IL22RA1: variants seen among roughly 807,000 people sequenced by gnomAD.
IL22RA1 encodes interleukin 22 receptor subunit alpha 1.
IL22RA1 carries 25 observed loss-of-function variants against 32.8 expected under a neutral mutation model. The observed-to-expected ratio is 0.76, with a 90% CI of 0.55 to 1.06. The LOEUF (loss-of-function observed/expected upper bound fraction) is 1.06, where lower values mean the gene tolerates loss of function less well. Among genes scored for constraint, IL22RA1 ranks in the 50% least tolerant of loss-of-function variants. The pLI, the probability that IL22RA1 is intolerant of heterozygous loss-of-function variation, is 0.00. For synonymous variants in IL22RA1, 305 were observed against 305.0 expected, an observed-to-expected ratio of 1.00 and a Z score of 0.00; for missense variants, 709 against 727.4, an observed-to-expected ratio of 0.97 and a Z score of 0.29.
chr1:24,137,066 C>A, intron 3 of IL22RA1, 65 bp downstream of exon 3: 1 of 1,503,330 alleles, frequency 6.7e-7, no homozygotes, highest in South Asian at 1.2e-5. Context: ...AAGAGGCCAT[C>A]CCACCCCGCA....
At chr1:24,139,644 G>A (rs193012292) in intron 1 of IL22RA1, among the ~76,000 whole-genome samples, 257 of 152,160 alleles carry the variant, frequency 1.7e-3, no homozygotes, top group Non-Finnish European at 2.9e-3. Flanking sequence ...AGCAATCCTC[G>A]CACCTCAGCC....
At chr1:24,124,451 C>G (rs1391844798) in intron 5 of IL22RA1, among the ~76,000 whole-genome samples, 1 of 152,192 alleles carries the variant, frequency 6.6e-6, no homozygotes, top group Non-Finnish European at 1.5e-5. Flanking sequence ...CAGTTCCAGG[C>G]AGGACACACT....
intron 3 of IL22RA1, 38 bp from the exon 4 acceptor site, chr1:24,134,424 C>A: frequency 6.9e-7 from 1 of 1,441,326 alleles, no homozygotes; most frequent in Non-Finnish European, 9.2e-7. Flanking sequence ...AAGAAAAAGT[C>A]AGAATCGGTG....
intron 5 of IL22RA1, among the ~76,000 whole-genome samples, chr1:24,123,835 C>T (rs1426776276): frequency 1.3e-5 from 2 of 152,186 alleles, no homozygotes; most frequent in Admixed American, 6.5e-5. Flanking sequence ...AGGGCCCTCA[C>T]GCACATGTGT....
chr1:24,140,511 C>T (rs1473057635), intron 1 of IL22RA1, among the ~76,000 whole-genome samples: 1 of 152,150 alleles, frequency 6.6e-6, no homozygotes, highest in Non-Finnish European at 1.5e-5. Flanking sequence ...AGAAGAGAAG[C>T]TGGCCATTGA....
At position 24,143,119 on chromosome 1, in the gene IL22RA1, T is replaced by C; in HGVS notation, c.-37A>G. On this transcript the variant is annotated 5_prime_UTR_variant, in exon 1 of 7. Coordinates refer to ENST00000270800, the MANE Select transcript of IL22RA1 (RefSeq NM_021258.4). ...CAGAGCCCTCCCTTGGCCTCTACTC[T>C]GCCGTGCACAGAGAGAGGGCTGGGA... 1 of 1,431,912 alleles carries C rather than the reference T, an allele frequency of 7.0e-7. No homozygotes were observed. The highest frequency in any genetic ancestry group is 1.1e-5 in the South Asian group (1 of 86,998). 88.7% of individuals were successfully genotyped at this position (1,431,912 alleles called of 1,614,324 possible).
intron 2 of IL22RA1, 152 bp downstream of exon 2, chr1:24,138,430 A>G: frequency 1.2e-6 from 1 of 816,750 alleles, no homozygotes; most frequent in Non-Finnish European, 1.9e-6. Flanking sequence ...CCCTCTGCAA[A>G]AGAAACATAA....
Position 24,132,267 on chromosome 1 carries a change from C to T in IL22RA1, c.531+1944G>A, listed in dbSNP as rs116067267. ...GACTGGAAGGGGACCCAAGAATCTG[C>T]ATTTTAAACAAGTGCTGCAGGAGAT... On this transcript the variant is annotated intron_variant, in intron 4 of 6. Transcript: ENST00000270800. Among the ~76,000 whole-genome samples the T allele has an allele frequency of 2.4e-3, 366 of 151,808 alleles. 1 individual carries two copies. The highest frequency in any genetic ancestry group is 3.8e-3 in the Non-Finnish European group (261 of 67,988).
Position 24,120,931 on chromosome 1 carries a change from C to T in IL22RA1, c.1599G>A (p.Leu533=), listed in dbSNP as rs1260833378. 2 of 1,614,102 alleles carry T rather than the reference C, an allele frequency of 1.2e-6. No homozygotes were observed. The highest frequency in any genetic ancestry group is 2.7e-5 in the African/African-American group (2 of 74,940). The change falls in exon 7 of 7, where the codon CTG becomes CTA. Residue 533 remains leucine, a synonymous_variant. Coordinates refer to ENST00000270800, the MANE Select transcript of IL22RA1 (RefSeq NM_021258.4). The part of the protein sequence containing the change: ...SDQGPSPWGL[L]ESLVCPKDEA... The stretch of plus-strand genomic sequence containing the variant: ...CATCCTTGGGACACACAAGGGACTC[C>T]AGCAGGCCCCAGGGACTTGGACCTT...
intron 4 of IL22RA1, among the ~76,000 whole-genome samples, chr1:24,130,679 A>G (rs1644198283): frequency 6.6e-6 from 1 of 152,210 alleles, no homozygotes; most frequent in South Asian, 2.1e-4. Context: ...ACTGACCCTG[A>G]TGACCAAAAT....
rs145365914 is a variant in IL22RA1 at position 24,121,336 on chromosome 1, G to A, written c.1194C>T (p.Ser398=). Residue 398 remains serine, a synonymous_variant, in exon 7 of 7, where the codon AGC becomes AGT. Transcript: ENST00000270800. ...TGCATACCCCATAGGAGGGAGGCCA[G>A]CTGTCCGGAGTGGCTTGAGGGGCAT... ...SSYAPQATPD[S]WPPSYGVCME... 1.9e-6 allele frequency: 3 copies of A among 1,604,370 alleles called. No homozygotes were observed. In the African/African-American group the frequency reaches 4.0e-5, roughly 21 times the overall value.
At chr1:24,135,222 T>C (rs1301691771) in intron 3 of IL22RA1, among the ~76,000 whole-genome samples, 1 of 152,202 alleles carries the variant, frequency 6.6e-6, no homozygotes, top group East Asian at 1.9e-4. Context: ...ATGATATGGG[T>C]AAATGTTCAT....
At chr1:24,131,856 T>C (rs1443550492) in intron 4 of IL22RA1, among the ~76,000 whole-genome samples, 2 of 152,200 alleles carry the variant, frequency 1.3e-5, no homozygotes, top group Non-Finnish European at 2.9e-5. Flanking sequence ...GGACAGGCCA[T>C]AGGCTGGGCT....
intron 5 of IL22RA1, among the ~76,000 whole-genome samples, chr1:24,124,108 G>T (rs1237264661): frequency 1.3e-5 from 2 of 152,282 alleles, no homozygotes; most frequent in South Asian, 4.1e-4. Context: ...GTTGTATGGA[G>T]TCTTCATCTT....
intron 6 of IL22RA1, 65 bp from the exon 7 acceptor site, chr1:24,121,802 A>T (rs778565752): frequency 2.3e-6 from 3 of 1,323,900 alleles, no homozygotes; most frequent in Non-Finnish European, 3.0e-6. Flanking sequence ...CCTACTGGTG[A>T]TGTGGGTGGG....
chr1:24,134,709 C>T (rs1443008419), intron 3 of IL22RA1, among the ~76,000 whole-genome samples: 1 of 152,132 alleles, frequency 6.6e-6, no homozygotes, highest in Non-Finnish European at 1.5e-5. Flanking sequence ...TTAAGTCAGC[C>T]TAGAGCACCC....
At chr1:24,142,096 AGGGGGTGCCTCAC>A (rs1557633035) in intron 1 of IL22RA1, among the ~76,000 whole-genome samples, 3 of 152,124 alleles carry the variant, frequency 2.0e-5, no homozygotes, top group African/African-American at 7.2e-5. Context: ...TGGTGCCTCA[AGGGGGTGCCTCAC>A]ATCTTCCTGG....
chr1:24,138,512 G>A, intron 2 of IL22RA1, 70 bp downstream of exon 2: 1 of 1,561,826 alleles, frequency 6.4e-7, no homozygotes, highest in Non-Finnish European at 8.8e-7. Flanking sequence ...ATATGGAGAG[G>A]AGGGGAATTC....
At chr1:24,128,384 G>A in intron 4 of IL22RA1, 105 bp from the exon 5 acceptor site, 2 of 1,366,536 alleles carry the variant, frequency 1.5e-6, no homozygotes, top group Non-Finnish European at 2.1e-6. Flanking sequence ...TGATGCTGAT[G>A]GGTCTGTCTT....
Sources: allele counts gnomAD v4.1 joint callset (sites outside exome capture counted in the v4.1 genomes callset), GRCh38; gene constraint gnomAD v4.1.1; transcripts MANE v1.5; gene names NCBI Gene and HGNC (gene_info 2026-07-23, HGNC 2026-07-21).